Variants in ACAN observed in about 807,000 individuals in gnomAD.
ACAN encodes aggrecan core protein.
A neutral mutation model predicts 169.1 loss-of-function variants in ACAN; 47 were observed. That is an observed-to-expected ratio of 0.28 (90% CI 0.22 to 0.35). The LOEUF (loss-of-function observed/expected upper bound fraction) is 0.35. Among genes scored for constraint, ACAN ranks in the 10% least tolerant of loss-of-function variants. ACAN has a pLI of 1.00. For synonymous variants in ACAN, 1,115 were observed against 1,112.2 expected (o/e 1.00, Z -0.05); for missense variants, 2,716 against 2,759.9 (o/e 0.98, Z 0.36).
chr15:88,842,792 C>G (rs1456679585), intron 5 of ACAN, among the ~76,000 whole-genome samples: 1 of 152,172 alleles, frequency 6.6e-6, no homozygotes, highest in Non-Finnish European at 1.5e-5. Context: ...CCGTCCGCCC[C>G]CACCCTTACC....
Position 88,868,431 on chromosome 15 carries a change from C to T in ACAN, c.7060+102C>T, listed in dbSNP as rs1264889988. ...ACAGGCTCCAGGCCCTGGCTGGGGCCCCCGAGGTTCATCTGGAGAGCCATT... is the reference window on the plus strand; with the variant it reads ...ACAGGCTCCAGGCCCTGGCTGGGGCTCCCGAGGTTCATCTGGAGAGCCATT... On this transcript the variant is annotated intron_variant, in intron 14 of 18. Coordinates refer to ENST00000560601, the MANE Select transcript of ACAN (RefSeq NM_001369268.1). The surrounding 1 kb of genome is among the most constrained non-coding windows in gnomAD (Gnocchi z 5.2). 1.5e-5 allele frequency: 9 copies of T among 590,130 alleles called. No individual in the cohort carries two copies. Among genetic ancestry groups the T allele is most frequent in the South Asian group, 1.4e-4 (7 of 48,900 alleles). The allele number at this position is 590,130 out of a possible 1,614,324, so 36.6% of individuals were successfully genotyped here. A position where few individuals can be genotyped will look rare whatever the true frequency, so the allele number is the denominator to read the frequency against.
intron 1 of ACAN, among the ~76,000 whole-genome samples, chr15:88,824,576 T>C (rs1250239447): frequency 6.6e-6 from 1 of 151,962 alleles, no homozygotes; most frequent in African/African-American, 2.4e-5. Flanking sequence ...GACAATAATT[T>C]CAAATAATAA....
rs372777485 is a variant in ACAN at position 88,847,380 on chromosome 15, C to G, written c.1567C>G (p.Gln523Glu). ...LQAAYEAGYEQCDAGWLRDQT... is the reference protein window; with the variant it reads ...LQAAYEAGYEECDAGWLRDQT... Reference sequence around the variant, plus strand: ...GGCCGCCTACGAAGCAGGCTATGAGCAGTGTGACGCCGGCTGGCTGCGGGA... The same window carrying G: ...GGCCGCCTACGAAGCAGGCTATGAGGAGTGTGACGCCGGCTGGCTGCGGGA... Residue 523 changes from glutamine (Q) to glutamate (E), a missense_variant, in exon 8 of 19, where the codon CAG (glutamine) becomes GAG (glutamate). By Grantham distance (29) the Gln-to-Glu change is conservative. Transcript: ENST00000560601. The G allele has an allele frequency of 3.3e-5, 53 of 1,587,900 alleles. No homozygotes were observed. The African/African-American group carries it at 6.8e-4, about 20-fold the overall frequency.
At chr15:88,841,642 G>C (rs991680891) in intron 4 of ACAN, 98 bp from the exon 5 acceptor site, 1 of 1,462,762 alleles carries the variant, frequency 6.8e-7, no homozygotes, top group Non-Finnish European at 9.5e-7. Flanking sequence ...GCAATATTAA[G>C]TTGCTGTTTC....
intron 1 of ACAN, among the ~76,000 whole-genome samples, chr15:88,817,749 G>A (rs1895975922): frequency 6.6e-6 from 1 of 151,092 alleles, no homozygotes; most frequent in Admixed American, 6.6e-5. Flanking sequence ...AGCTCTTCAG[G>A]AGGCTGAGGT....
intron 1 of ACAN, among the ~76,000 whole-genome samples, chr15:88,817,830 C>T (rs535878973): frequency 3.5e-5 from 4 of 113,572 alleles, no homozygotes; most frequent in South Asian, 2.9e-4. Flanking sequence ...CTCCAGACTG[C>T]GCAACAGAGT....
rs1181289451 is a variant in ACAN at position 88,861,912 on chromosome 15, A to T, written c.6946+1473A>T. ...CCTCTCTGTGATCATGTATATTTCC[A>T]CAGGGCTTTTGTTCCCACGATTTCT... On this transcript the variant is annotated intron_variant, in intron 13 of 18. Transcript: ENST00000560601. The surrounding 1 kb of genome is among the most constrained non-coding windows in gnomAD (Gnocchi z 6.3). Among the ~76,000 whole-genome samples the T allele has an allele frequency of 1.3e-5, 2 of 152,332 alleles. No individual in the cohort carries two copies. Among genetic ancestry groups the T allele is most frequent in the East Asian group, 3.9e-4 (2 of 5,186 alleles).
chr15:88,847,199 C>T (rs1448797990), intron 7 of ACAN, 44 bp from the exon 8 acceptor site: 1 of 1,497,726 alleles, frequency 6.7e-7, no homozygotes, highest in South Asian at 1.3e-5. Flanking sequence ...GGAAGCTGCA[C>T]ACCGTGGGTC....
Position 88,843,772 on chromosome 15 carries a change from C to A in ACAN, c.1051+124C>A. 7.9e-7 allele frequency: 1 copy of A among 1,264,220 alleles called. No individual in the cohort carries two copies. The highest frequency in any genetic ancestry group is 1.1e-6 in the Non-Finnish European group (1 of 938,398). 78.3% of individuals were successfully genotyped at this position (1,264,220 alleles called of 1,614,324 possible). A position where few individuals can be genotyped will look rare whatever the true frequency, so the allele number is the denominator to read the frequency against. ...TGAAGGGGCCACGGGGTACCTGAAC[C>A]CCATGTTTTTAGGACACCCCTCCAT... On this transcript the variant is annotated intron_variant, in intron 6 of 18. Transcript: ENST00000560601. This position sits in a 1 kb window ranked among gnomAD's most constrained non-coding sequence, Gnocchi z 4.0.
intron 1 of ACAN, among the ~76,000 whole-genome samples, chr15:88,834,254 G>A (rs1044147919): frequency 6.6e-6 from 1 of 152,224 alleles, no homozygotes; most frequent in Non-Finnish European, 1.5e-5. Context: ...ACCCCCAGCA[G>A]CACCCACAGA....
At chr15:88,841,996 C>T in intron 5 of ACAN, 129 bp downstream of exon 5, 3 of 1,288,048 alleles carry the variant, frequency 2.3e-6, no homozygotes, top group South Asian at 1.3e-5. Flanking sequence ...CTGTCCTCCT[C>T]TGCCATGAAG....
rs1381379218 is a variant in ACAN at position 88,861,725 on chromosome 15, CT to C, written c.6946+1287del. On this transcript the variant is annotated intron_variant, in intron 13 of 18. Coordinates refer to ENST00000560601, the MANE Select transcript of ACAN (RefSeq NM_001369268.1). This position sits in a 1 kb window ranked among gnomAD's most constrained non-coding sequence, Gnocchi z 6.3. ...AGCTGCACCCCACCATCACTCACCC[CT>C]GATGGGTGACTCCACTCTTGGGAAA... 1.3e-5 allele frequency among the ~76,000 whole-genome samples: 2 copies of C among 152,124 alleles called. No individual in the cohort carries two copies. The highest frequency in any genetic ancestry group is 1.9e-4 in the East Asian group (1 of 5,192).
chr15:88,838,649 C>T lies in ACAN; in HGVS notation c.71-14C>T. 6.4e-7 allele frequency: 1 copy of T among 1,561,172 alleles called. No individual in the cohort carries two copies. The highest frequency in any genetic ancestry group is 8.7e-7 in the Non-Finnish European group (1 of 1,150,242). On this transcript the variant is annotated splice_polypyrimidine_tract_variant and intron_variant, in intron 2 of 18. Coordinates refer to ENST00000560601, the MANE Select transcript of ACAN (RefSeq NM_001369268.1). The surrounding 1 kb of genome is among the most constrained non-coding windows in gnomAD (Gnocchi z 5.1). ...ACTAACAGGTCTCTCTTCTACCCCA[C>T]CTCTCCCACACAGACCATGACAACT...
At chr15:88,812,940 C>T (rs1895856738) in intron 1 of ACAN, among the ~76,000 whole-genome samples, 1 of 152,166 alleles carries the variant, frequency 6.6e-6, no homozygotes, top group South Asian at 2.1e-4. Flanking sequence ...TTCTATAGAA[C>T]ATGCCTTCCA....
Position 88,849,401 on chromosome 15 carries a change from G to C in ACAN, c.1733-37G>C, listed in dbSNP as rs996714747. ...GCAGGGATGGACCTGGCCTGAGTGT[G>C]GGGGGGTCATATTCTACCCCTTGCC... On this transcript the variant is annotated intron_variant, in intron 9 of 18. Transcript: ENST00000560601. The surrounding 1 kb of genome is among the most constrained non-coding windows in gnomAD (Gnocchi z 5.1). 4 of 1,517,374 alleles carry C rather than the reference G, an allele frequency of 2.6e-6. No individual in the cohort carries two copies. The highest frequency in any genetic ancestry group is 2.7e-5 in the African/African-American group (2 of 73,038). 94.0% of individuals were successfully genotyped at this position (1,517,374 alleles called of 1,614,324 possible).
In ACAN at chr15:88,871,850, G is replaced by T. The variant is rs368559318; in HGVS notation, c.7220-153G>T. ...TGCACTCCAGGCATGCACGTGCTGA[G>T]CCTCTTGTGAGGACCTGAGAAGCAC... On this transcript the variant is annotated intron_variant, in intron 15 of 18. Coordinates refer to ENST00000560601, the MANE Select transcript of ACAN (RefSeq NM_001369268.1). This position sits in a 1 kb window ranked among gnomAD's most constrained non-coding sequence, Gnocchi z 7.8. Among the ~76,000 whole-genome samples, 620 of 152,310 alleles carry T rather than the reference G, an allele frequency of 4.1e-3. 3 individuals carry two copies. The highest frequency in any genetic ancestry group is 0.014 in the African/African-American group (597 of 41,566).
chr15:88,821,061 A>G (rs771525810), intron 1 of ACAN, among the ~76,000 whole-genome samples: 14 of 152,184 alleles, frequency 9.2e-5, no homozygotes, highest in Non-Finnish European at 2.1e-4. Flanking sequence ...ACTCATCACT[A>G]TCAAGAGAAC....
intron 1 of ACAN, among the ~76,000 whole-genome samples, chr15:88,828,425 T>C (rs1010868274): frequency 6.6e-6 from 1 of 152,128 alleles, no homozygotes; most frequent in Non-Finnish European, 1.5e-5. Flanking sequence ...CCGAGCCTTT[T>C]TTTTTGCTCC....
intron 13 of ACAN, among the ~76,000 whole-genome samples, chr15:88,864,099 C>T (rs140792891): frequency 1.3e-5 from 2 of 152,106 alleles, no homozygotes; most frequent in Non-Finnish European, 2.9e-5. Flanking sequence ...TTCACTTGAG[C>T]CCAGGATGTT....
Sources: gnomAD v4.1 joint callset for allele counts (sites outside exome capture counted in the v4.1 genomes callset) on GRCh38, gnomAD v4.1.1 for gene constraint, Gnocchi (gnomAD v3.1) non-coding constraint, MANE v1.5 for transcripts, NCBI Gene and HGNC (gene_info 2026-07-23, HGNC 2026-07-21) for gene names.